UTP6: variants seen among roughly 807,000 people sequenced by gnomAD.
UTP6 encodes the protein UTP6 small subunit processome component, also known as U3 small nucleolar RNA-associated protein 6 homolog.
Under a neutral mutation model 96.5 loss-of-function variants are expected in UTP6, and 60 were observed. The observed-to-expected ratio is 0.62, with a 90% CI of 0.51 to 0.77. UTP6 has a LOEUF of 0.77. Among genes scored for constraint, UTP6 ranks in the 30% least tolerant of loss-of-function variants. The pLI is 0.00. For synonymous variants in UTP6, 215 were observed against 240.1 expected, an observed-to-expected ratio of 0.90 and a Z score of 0.96; for missense variants, 637 against 706.5, an observed-to-expected ratio of 0.90 and a Z score of 1.12.
At chr17:31,896,501 CTT>C (rs1307224110) in intron 2 of UTP6, among the ~76,000 whole-genome samples, 3 of 152,024 alleles carry the variant, frequency 2.0e-5, no homozygotes, top group Non-Finnish European at 4.4e-5. Context: ...GCCCATTTTT[CTT>C]TTTAGTTTTC....
At chr17:31,878,871 C>T in intron 11 of UTP6, 90 bp from the exon 12 acceptor site, 1 of 1,179,306 alleles carries the variant, frequency 8.5e-7, no homozygotes, top group African/African-American at 1.5e-5. Flanking sequence ...AAAAAACAGT[C>T]ATCCTACACC....
intron 18 of UTP6, among the ~76,000 whole-genome samples, chr17:31,864,279 T>C (rs1047247918): frequency 6.6e-6 from 1 of 152,008 alleles, no homozygotes; most frequent in Non-Finnish European, 1.5e-5. Flanking sequence ...CCCAGCTACT[T>C]GGGAGGCTGA....
chr17:31,866,735 A>G (rs1177444572), intron 17 of UTP6: 1 of 147,912 alleles, frequency 6.8e-6, no homozygotes, highest in East Asian at 2.0e-4. Flanking sequence ...AAAAAAAAAA[A>G]TTAGCCAGGT....
chr17:31,889,778 A>T (rs956872893), intron 6 of UTP6, among the ~76,000 whole-genome samples: 5 of 151,972 alleles, frequency 3.3e-5, no homozygotes, highest in African/African-American at 1.2e-4. Flanking sequence ...GATTACAGGC[A>T]TGAGCCACTG....
intron 2 of UTP6, among the ~76,000 whole-genome samples, chr17:31,897,697 C>T (rs1904739442): frequency 6.6e-6 from 1 of 152,066 alleles, no homozygotes; most frequent in South Asian, 2.1e-4. Flanking sequence ...GATCTGCCTG[C>T]CTCAGCCTCC....
At position 31,878,069 on chromosome 17, in the gene UTP6, G is replaced by A. The variant is rs1598103216; in HGVS notation, c.1125+181C>T. Among the ~76,000 whole-genome samples the A allele has an allele frequency of 2.0e-5, 3 of 151,846 alleles. 1 individual carries two copies. The highest frequency in any genetic ancestry group is 2.0e-4 in the Admixed American group (3 of 15,202). ...CTGTATAATACTCCTCCCTTTGCTA[G>A]TACAGATTTCATTTTTTGCATAGGC... is the stretch of plus-strand genomic sequence containing the variant. On this transcript the variant is annotated intron_variant, in intron 13 of 18. Coordinates refer to ENST00000261708, the MANE Select transcript of UTP6 (RefSeq NM_018428.3).
At chr17:31,874,931 T>TA (rs11341659) in intron 14 of UTP6, among the ~76,000 whole-genome samples, 28 of 133,952 alleles carry the variant, frequency 2.1e-4, no homozygotes, top group African/African-American at 3.4e-4. Flanking sequence ...GACTCCATCT[T>TA]AAAAAAAAAA....
intron 18 of UTP6, 120 bp downstream of exon 18, chr17:31,865,246 C>T (rs1909749059): frequency 4.2e-6 from 4 of 948,840 alleles, no homozygotes; most frequent in Non-Finnish European, 6.5e-6. Flanking sequence ...CTCCTGACCT[C>T]AGGTGATCCG....
intron 7 of UTP6, 66 bp downstream of exon 7, chr17:31,889,219 A>G: frequency 4.7e-6 from 6 of 1,289,112 alleles, no homozygotes; most frequent in Non-Finnish European, 6.4e-6. Flanking sequence ...TCCAGGAAAA[A>G]AAAATATGTC....
Position 31,868,030 on chromosome 17 carries a change from G to A in UTP6, c.1563+16C>T, listed in dbSNP as rs374985785. On this transcript the variant is annotated intron_variant, in intron 17 of 18. Transcript: ENST00000261708. The stretch of plus-strand genomic sequence containing the variant: ...TCCATTTTCCCAGACAAGAAATGCT[G>A]AAACAGAACACTTACTTGCTCCTTT... The A allele has an allele frequency of 4.7e-5, 75 of 1,610,070 alleles. No individual in the cohort carries two copies. Among genetic ancestry groups the A allele is most frequent in the African/African-American group, 3.2e-4 (24 of 74,724 alleles).
chr17:31,868,325 G>GTTTTTTTTTTTTT (rs33960994), intron 16 of UTP6, among the ~76,000 whole-genome samples: 2 of 90,504 alleles, frequency 2.2e-5, no homozygotes, highest in African/African-American at 4.2e-5. Flanking sequence ...TAGTTTTTTG[G>GTTTTTTTTTTTTT]TTTTTTTTTT....
chr17:31,864,422 A>T (rs1306881278), intron 18 of UTP6, among the ~76,000 whole-genome samples: 1 of 152,174 alleles, frequency 6.6e-6, no homozygotes, highest in Non-Finnish European at 1.5e-5. Context: ...AATGTTTATG[A>T]GTTCACAAAG....
At chr17:31,868,140 T>A in intron 16 of UTP6, 28 bp from the exon 17 acceptor site, 1 of 1,601,778 alleles carries the variant, frequency 6.2e-7, no homozygotes, top group East Asian at 2.2e-5. Flanking sequence ...AACGTTATCT[T>A]CAACAATGAC....
intron 13 of UTP6, among the ~76,000 whole-genome samples, chr17:31,875,857 T>C (rs1910472662): frequency 6.6e-6 from 1 of 150,682 alleles, no homozygotes; most frequent in Non-Finnish European, 1.5e-5. Flanking sequence ...ATGAGCTATG[T>C]GATAACTTAT....
intron 10 of UTP6, among the ~76,000 whole-genome samples, chr17:31,883,078 A>T (rs1438555670): frequency 3.3e-5 from 5 of 152,184 alleles, no homozygotes; most frequent in Non-Finnish European, 7.3e-5. Flanking sequence ...TCACACCTGT[A>T]ATCCTTGCAC....
chr17:31,887,019 TAAC>T (rs1053484586), intron 8 of UTP6, among the ~76,000 whole-genome samples: 1 of 151,508 alleles, frequency 6.6e-6, no homozygotes, highest in Non-Finnish European at 1.5e-5. Context: ...TTTCAAAATG[TAAC>T]AACATTAAAC....
In UTP6 at chr17:31,873,366, G is replaced by A. The variant is rs548529510; in HGVS notation, c.1496+12C>T. The A allele has an allele frequency of 4.0e-5, 64 of 1,613,300 alleles. No homozygotes were observed. Among genetic ancestry groups the A allele is most frequent in the Admixed American group, 8.3e-5 (5 of 59,948 alleles). On this transcript the variant is annotated intron_variant, in intron 16 of 18. Coordinates refer to ENST00000261708, the MANE Select transcript of UTP6 (RefSeq NM_018428.3). ...AGAGGGACTAGTAACAACTATGAAC[G>A]TCTGTGAGTACCTTTTAAACACAGC...
chr17:31,866,503 G>C (rs1314168146), intron 17 of UTP6, among the ~76,000 whole-genome samples: 2 of 149,710 alleles, frequency 1.3e-5, no homozygotes, highest in Non-Finnish European at 3.0e-5. Flanking sequence ...CTGAGGCAAG[G>C]CAGGTGGATC....
chr17:31,866,305 A>T (rs1598092320), intron 17 of UTP6, among the ~76,000 whole-genome samples: 1 of 150,456 alleles, frequency 6.6e-6, no homozygotes, highest in African/African-American at 2.5e-5. Context: ...AAAAAAAAAA[A>T]AGTATTCTTG....
Sources: allele counts gnomAD v4.1 joint callset (sites outside exome capture counted in the v4.1 genomes callset), GRCh38; gene constraint gnomAD v4.1.1; transcripts MANE v1.5; gene names NCBI Gene and HGNC (gene_info 2026-07-23, HGNC 2026-07-21).